Variants in SEC14L1 observed in about 807,000 individuals in gnomAD.
The protein encoded by SEC14L1 is SEC14 like lipid binding 1.
In SEC14L1, 48 loss-of-function variants were observed where a neutral mutation model predicts 85.3. The ratio of observed to expected loss-of-function variants is 0.56; its 90% CI spans 0.45 to 0.72. The LOEUF is 0.72. Ranked by LOEUF, SEC14L1 falls within the 30% of genes least tolerant of loss-of-function variation. The pLI is 0.00. For synonymous variants in SEC14L1, 391 were observed against 355.5 expected, an observed-to-expected ratio of 1.10 and a Z score of -1.12; for missense variants, 682 against 921.4, an observed-to-expected ratio of 0.74 and a Z score of 3.36.
intron 3 of SEC14L1, among the ~76,000 whole-genome samples, chr17:77,149,679 A>G (rs1567894952): frequency 6.6e-6 from 1 of 152,152 alleles, no homozygotes; most frequent in Non-Finnish European, 1.5e-5. Flanking sequence ...AGCCTGGGTT[A>G]CAGAGCAAGA....
In SEC14L1 at chr17:77,151,882, C is replaced by T. The variant is rs959440613; in HGVS notation, c.63+8223C>T. Among the ~76,000 whole-genome samples the T allele has an allele frequency of 3.3e-5, 5 of 152,170 alleles. No homozygotes were observed. In the East Asian group the frequency reaches 5.8e-4, roughly 18 times the overall value. ...TGCCAATATTTTTATCAGTTGTACC[C>T]ACTTTTTTCTTTCCTGGTGTATTAA... On this transcript the variant is annotated intron_variant, in intron 3 of 16. Transcript: ENST00000436233.
intron 3 of SEC14L1, among the ~76,000 whole-genome samples, chr17:77,096,514 G>A (rs947435890): frequency 2.0e-5 from 3 of 150,970 alleles, no homozygotes; most frequent in Non-Finnish European, 4.4e-5. Flanking sequence ...CCGAGATAGC[G>A]CCACTACACT....
chr17:77,098,909 G>A (rs151168159), intron 3 of SEC14L1: 73 of 152,304 alleles, frequency 4.8e-4, no homozygotes, highest in African/African-American at 1.7e-3. Flanking sequence ...TAAATTGCTA[G>A]CAACAAGACC....
upstream of SEC14L1, among the ~76,000 whole-genome samples, chr17:77,136,265 CTCTT>C (rs1225571812): frequency 5.4e-5 from 8 of 148,652 alleles, no homozygotes; most frequent in Non-Finnish European, 1.2e-4. Flanking sequence ...CTTTCTTTCT[CTCTT>C]TTTCTCTCTC....
intron 3 of SEC14L1, among the ~76,000 whole-genome samples, chr17:77,095,914 G>T (rs1357929440): frequency 6.6e-6 from 1 of 152,160 alleles, no homozygotes; most frequent in Non-Finnish European, 1.5e-5. Context: ...GGACTGGCAT[G>T]CTGGGCATCT....
chr17:77,105,142 G>A (rs1390530386), intron 3 of SEC14L1, among the ~76,000 whole-genome samples: 2 of 152,026 alleles, frequency 1.3e-5, no homozygotes, highest in African/African-American at 2.4e-5. Context: ...GCAGGGGGGC[G>A]ACTTTGAATA....
intron 3 of SEC14L1, among the ~76,000 whole-genome samples, chr17:77,095,593 C>T (rs942442884): frequency 2.3e-4 from 35 of 152,116 alleles, no homozygotes; most frequent in African/African-American, 7.7e-4. Flanking sequence ...TTTAGGAGGC[C>T]GAGGCGGGTG....
intron 3 of SEC14L1, among the ~76,000 whole-genome samples, chr17:77,104,730 G>A (rs1401097184): frequency 6.7e-5 from 10 of 149,104 alleles, no homozygotes; most frequent in Non-Finnish European, 1.5e-4. Flanking sequence ...GGTGGAGGTT[G>A]CAGTGAGCCG....
intron 10 of SEC14L1, 96 bp downstream of exon 10, chr17:77,203,754 C>T (rs1976306380): frequency 4.6e-6 from 4 of 863,356 alleles, no homozygotes; most frequent in Admixed American, 4.5e-5. Context: ...TTAGAACAAA[C>T]ATGAATTGCT....
intron 11 of SEC14L1, 80 bp downstream of exon 11, chr17:77,205,426 A>G (rs1273870351): frequency 7.8e-7 from 1 of 1,280,550 alleles, no homozygotes; most frequent in Non-Finnish European, 1.1e-6. Context: ...TGGAATTAAA[A>G]TCTACTTATT....
At chr17:77,157,042 A>C (rs2143606164) in intron 3 of SEC14L1, among the ~76,000 whole-genome samples, 1 of 152,330 alleles carries the variant, frequency 6.6e-6, no homozygotes, top group Non-Finnish European at 1.5e-5. Context: ...TTTAAAACCC[A>C]AGAGTTATTA....
chr17:77,174,903 T>C (rs963325938), intron 3 of SEC14L1, among the ~76,000 whole-genome samples: 4 of 152,264 alleles, frequency 2.6e-5, no homozygotes, highest in African/African-American at 9.6e-5. Flanking sequence ...ACGCAGTTCC[T>C]GTCGGTGTCC....
In SEC14L1 at chr17:77,121,305, G is replaced by A. The variant is rs375722272; in HGVS notation, c.-135-21341G>A. ...TGGTAGGAGAGGCAGAAAGAGATTCGGGAAGTTGGCAAATATTTTGAATAA... is the reference window on the plus strand; with the variant it reads ...TGGTAGGAGAGGCAGAAAGAGATTCAGGAAGTTGGCAAATATTTTGAATAA... On this transcript the variant is annotated intron_variant, in intron 3 of 19. Coordinates refer to the SEC14L1 transcript ENST00000392476. Among the ~76,000 whole-genome samples, 11 of 152,278 alleles carry A rather than the reference G, an allele frequency of 7.2e-5. No individual in the cohort carries two copies. In the East Asian group the frequency reaches 1.5e-3, roughly 21 times the overall value.
At chr17:77,097,331 C>T (rs920605877) in intron 3 of SEC14L1, among the ~76,000 whole-genome samples, 9 of 151,862 alleles carry the variant, frequency 5.9e-5, no homozygotes, top group Non-Finnish European at 1.3e-4. Context: ...TTTGGGAGGC[C>T]GAGGCGGGCG....
chr17:77,185,291 C>G, intron 3 of SEC14L1: 1 of 985,428 alleles, frequency 1.0e-6, no homozygotes, highest in Non-Finnish European at 1.2e-6. Flanking sequence ...CTGCCCCTGA[C>G]GCTGACAGAG....
chr17:77,153,794 G>C (rs1035347248), intron 3 of SEC14L1, among the ~76,000 whole-genome samples: 3 of 152,146 alleles, frequency 2.0e-5, no homozygotes, highest in African/African-American at 7.2e-5. Flanking sequence ...GCCTGGGGAA[G>C]CTTCCCCAGA....
At chr17:77,136,209 CTTTT>C (rs778432637), upstream of SEC14L1, among the ~76,000 whole-genome samples, 180 of 151,678 alleles carry the variant, frequency 1.2e-3, no homozygotes, top group Non-Finnish European at 1.9e-3. Flanking sequence ...TGCTTTCTTT[CTTTT>C]TCTTTTCTTT....
chr17:77,136,044 T>G (rs192233209), upstream of SEC14L1, among the ~76,000 whole-genome samples: 151 of 151,878 alleles, frequency 9.9e-4, 1 homozygote, highest in East Asian at 3.9e-4. Context: ...GGCTAATTTT[T>G]TTTTTTGTAT....
At chr17:77,125,153 C>T (rs983430195) in intron 3 of SEC14L1, among the ~76,000 whole-genome samples, 14 of 151,698 alleles carry the variant, frequency 9.2e-5, no homozygotes, top group South Asian at 4.2e-4. Context: ...TACAGGCGCC[C>T]GCCCGGCTAA....
Sources: allele counts gnomAD v4.1 joint callset (sites outside exome capture counted in the v4.1 genomes callset), GRCh38; gene constraint gnomAD v4.1.1; transcripts MANE v1.5; gene names NCBI Gene and HGNC (gene_info 2026-07-23, HGNC 2026-07-21).